The following ETV1 variants were observed in gnomAD, a reference collection of about 807,000 sequenced individuals.
The protein encoded by ETV1 is ETS translocation variant 1.
In ETV1, 27 loss-of-function variants were observed where a neutral mutation model predicts 62.3. That is an observed-to-expected ratio of 0.43 (90% CI 0.32 to 0.60). The LOEUF is 0.60. Among genes scored for constraint, ETV1 ranks in the 20% least tolerant of loss-of-function variants. The probability of loss-of-function intolerance (pLI) is 0.06; values close to 1 mark genes in which losing one functional copy is unlikely to be tolerated. For synonymous variants in ETV1, 222 were observed against 199.6 expected (o/e 1.11, Z -0.94); for missense variants, 605 against 605.8 (o/e 1.00, Z 0.01).
intron 5 of ETV1, among the ~76,000 whole-genome samples, chr7:13,983,998 TTTATGAATAGTC>T: frequency 6.6e-6 from 1 of 151,986 alleles, no homozygotes; most frequent in East Asian, 1.9e-4. Flanking sequence ...TGGGGTAAAA[TTTATGAATAGTC>T]TTACAGAAAA....
chr7:13,975,886 G>C lies in ETV1; in HGVS notation c.235+1541C>G, dbSNP rs568445976. Among the ~76,000 whole-genome samples the C allele has an allele frequency of 6.6e-4, 101 of 152,252 alleles. 1 individual carries two copies. The highest frequency in any genetic ancestry group is 2.4e-3 in the African/African-American group (98 of 41,562). ...ATTGGAATTGTTACCAATTACTTTGGATGTAAAATATCAACGAGATTAATT... is the reference window on the plus strand; with the variant it reads ...ATTGGAATTGTTACCAATTACTTTGCATGTAAAATATCAACGAGATTAATT... On this transcript the variant is annotated intron_variant, in intron 6 of 13. Transcript: ENST00000430479.
chr7:13,894,377 C>A lies in ETV1; in HGVS notation c.*1489G>T, dbSNP rs976556843. 8.6e-6 allele frequency: 2 copies of A among 232,238 alleles called. No homozygotes were observed. Among genetic ancestry groups the A allele is most frequent in the African/African-American group, 2.2e-5 (1 of 45,286 alleles). The allele number at this position is 232,238 out of a possible 1,614,324, so 14.4% of individuals were successfully genotyped here. Reference sequence around the variant, plus strand: ...TGCAAAGCAAAAACAGAACAAAAAACTTTGAAACTTTAAATCTTCTTTCAA... The same window carrying A: ...TGCAAAGCAAAAACAGAACAAAAAAATTTGAAACTTTAAATCTTCTTTCAA... On this transcript the variant is annotated 3_prime_UTR_variant, in exon 14 of 14. Transcript: ENST00000430479.
chr7:13,935,625 C>T, intron 8 of ETV1, 83 bp downstream of exon 8: 1 of 1,187,696 alleles, frequency 8.4e-7, no homozygotes, highest in Non-Finnish European at 1.2e-6. Context: ...CTTAAATCTA[C>T]TCTAGGCCTT....
chr7:13,903,014 T>G (rs1782591442), intron 12 of ETV1, among the ~76,000 whole-genome samples: 1 of 152,148 alleles, frequency 6.6e-6, no homozygotes, highest in Admixed American at 6.5e-5. Context: ...AGTTATAAAT[T>G]AACAGCGTAA....
chr7:13,926,585 T>C (rs1343646534), intron 9 of ETV1, among the ~76,000 whole-genome samples: 1 of 152,184 alleles, frequency 6.6e-6, no homozygotes, highest in African/African-American at 2.4e-5. Flanking sequence ...ACACTTCTTA[T>C]GTGGGCATTT....
chr7:13,977,958 C>T (rs941740820), intron 5 of ETV1, among the ~76,000 whole-genome samples: 25 of 152,062 alleles, frequency 1.6e-4, no homozygotes, highest in African/African-American at 5.6e-4. Context: ...GTTCTCTGTC[C>T]TGCAAAATAC....
intron 12 of ETV1, among the ~76,000 whole-genome samples, chr7:13,905,418 C>CT (rs1299966394): frequency 6.6e-6 from 1 of 152,036 alleles, no homozygotes; most frequent in Non-Finnish European, 1.5e-5. Context: ...TCTTCCATTG[C>CT]TTTTTTGGCT....
At chr7:13,933,278 G>A (rs1456031237) in intron 8 of ETV1, among the ~76,000 whole-genome samples, 4 of 152,200 alleles carry the variant, frequency 2.6e-5, no homozygotes, top group East Asian at 1.9e-4. Context: ...TGGGGAACAT[G>A]TATATATCAA....
chr7:13,983,361 T>C (rs1039012797), intron 5 of ETV1, among the ~76,000 whole-genome samples: 6 of 152,042 alleles, frequency 3.9e-5, no homozygotes, highest in Non-Finnish European at 7.4e-5. Flanking sequence ...CTTAATTTTT[T>C]ACATCTTTCT....
chr7:13,954,328 G>C (rs1789169831), intron 6 of ETV1, among the ~76,000 whole-genome samples: 1 of 152,116 alleles, frequency 6.6e-6, no homozygotes, highest in Admixed American at 6.5e-5. Context: ...ATCTCACACG[G>C]ATTAGCATGA....
intron 8 of ETV1, among the ~76,000 whole-genome samples, chr7:13,933,243 C>T (rs866438102): frequency 3.9e-5 from 6 of 152,232 alleles, no homozygotes; most frequent in Middle Eastern, 6.8e-3. Context: ...TTTTACGAGT[C>T]GACCTGATTC....
chr7:13,896,112 A>G (rs1327852291), intron 13 of ETV1, 25 bp from the exon 14 acceptor site: 7 of 1,578,850 alleles, frequency 4.4e-6, no homozygotes, highest in Non-Finnish European at 6.1e-6. Context: ...GAAGAGAAAA[A>G]CCCATCCTCA....
rs1035456888 is a variant in ETV1, at chr7:13,893,246, T to A, written c.*2620A>T. 4.3e-6 allele frequency: 1 copy of A among 232,242 alleles called. No homozygotes were observed. Among genetic ancestry groups the A allele is most frequent in the Admixed American group, 5.6e-5 (1 of 17,764 alleles). 14.4% of individuals were successfully genotyped at this position (232,242 alleles called of 1,614,324 possible). A position where few individuals can be genotyped will look rare whatever the true frequency, so the allele number is the denominator to read the frequency against. ...TTCTATGTTTGAGTAGCCAATTCAA[T>A]GAGAAATTCAAAACACAAGAATCTT... On this transcript the variant is annotated 3_prime_UTR_variant, in exon 14 of 14. Coordinates refer to ENST00000430479, the MANE Select transcript of ETV1 (RefSeq NM_004956.5).
intron 9 of ETV1, 109 bp downstream of exon 9, chr7:13,931,393 C>CT: frequency 8.5e-7 from 1 of 1,179,794 alleles, no homozygotes; most frequent in Non-Finnish European, 1.2e-6. Context: ...TCTGAAAGAT[C>CT]TTATTAAAAA....
chr7:13,917,965 G>A (rs1784376980), intron 9 of ETV1, among the ~76,000 whole-genome samples: 1 of 151,100 alleles, frequency 6.6e-6, no homozygotes, highest in Non-Finnish European at 1.5e-5. Context: ...CTCTGTCTCA[G>A]AAAAAAAAGA....
rs376466563 is a variant in ETV1 at position 13,911,341 on chromosome 7, C to G, written c.803-34G>C. The G allele has an allele frequency of 7.3e-6, 11 of 1,507,910 alleles. No individual in the cohort carries two copies. The African/African-American group carries it at 1.2e-4, about 17-fold the overall frequency. The allele number at this position is 1,507,910 out of a possible 1,614,324, so 93.4% of individuals were successfully genotyped here. A position where few individuals can be genotyped will look rare whatever the true frequency, so the allele number is the denominator to read the frequency against. On this transcript the variant is annotated intron_variant, in intron 9 of 13. Coordinates refer to ENST00000430479, the MANE Select transcript of ETV1 (RefSeq NM_004956.5). Reference sequence around the variant, plus strand: ...GGAAACAATATTGGTCAAAAAGAGTCTGGAGCTGAAACGCTGCGGTTATCA... The same window carrying G: ...GGAAACAATATTGGTCAAAAAGAGTGTGGAGCTGAAACGCTGCGGTTATCA...
intron 6 of ETV1, among the ~76,000 whole-genome samples, chr7:13,948,802 A>C (rs1788463250): frequency 6.6e-6 from 1 of 152,228 alleles, no homozygotes; most frequent in Non-Finnish European, 1.5e-5. Context: ...GGCTGGATGG[A>C]AAGTGACACC....
intron 8 of ETV1, among the ~76,000 whole-genome samples, chr7:13,932,862 A>T (rs925829848): frequency 7.2e-5 from 11 of 152,252 alleles, no homozygotes; most frequent in Non-Finnish European, 1.5e-4. Context: ...TTAAATAAAA[A>T]TAAGGTAAAA....
At chr7:13,931,873 TA>T (rs1786221058) in intron 8 of ETV1, 124 bp from the exon 9 acceptor site, 5 of 1,139,374 alleles carry the variant, frequency 4.4e-6, no homozygotes, top group Non-Finnish European at 6.2e-6. Context: ...CGTAAATCTT[TA>T]ACAAGCATTA....
Sources: gnomAD v4.1 joint callset for allele counts (sites outside exome capture counted in the v4.1 genomes callset) on GRCh38, gnomAD v4.1.1 for gene constraint, MANE v1.5 for transcripts, NCBI Gene and HGNC (gene_info 2026-07-23, HGNC 2026-07-21) for gene names.